The following HRC variants were observed in gnomAD, a reference collection of about 807,000 sequenced individuals.
HRC encodes histidine rich calcium binding protein.
In HRC, 41 loss-of-function variants were observed where a neutral mutation model predicts 61.4. The observed-to-expected ratio is 0.67, with a 90% confidence interval of 0.52 to 0.87. The LOEUF (loss-of-function observed/expected upper bound fraction) is 0.87, where lower values mean the gene tolerates loss of function less well. HRC is among the 40% of genes least tolerant of loss of function. HRC has a pLI of 0.00. For missense variants in HRC, 839 were observed against 885.8 expected, an observed-to-expected ratio of 0.95 and a Z score of 0.67; for synonymous variants, 308 against 326.6, an observed-to-expected ratio of 0.94 and a Z score of 0.62.
chr19:49,154,014 A>T lies in HRC; in HGVS notation c.1224T>A (p.Asp408Glu). 1.9e-6 allele frequency: 3 copies of T among 1,613,554 alleles called. No homozygotes were observed. In the East Asian group the frequency reaches 6.7e-5, roughly 36 times the overall value. Residue 408 changes from aspartate (D) to glutamate (E), a missense_variant, in exon 1 of 6, where the codon GAT becomes GAA. Physicochemically the swap from Asp to Glu is conservative, Grantham distance 45 (BLOSUM62 2). Coordinates refer to ENST00000252825, the MANE Select transcript of HRC (RefSeq NM_002152.3). Reference protein sequence around the residue: ...GHKSDEEDFQDEYKTEVPHHH... With the variant: ...GHKSDEEDFQEEYKTEVPHHH... Reference sequence around the variant, plus strand: ...GGTGAGGGACTTCTGTTTTATACTCATCTTGGAAGTCCTCTTCATCACTCT... The same window carrying T: ...GGTGAGGGACTTCTGTTTTATACTCTTCTTGGAAGTCCTCTTCATCACTCT...
rs1952978362 is a variant in HRC, at chr19:49,155,293, T to C, written c.-56A>G. ...GCCTCTGCGGCAATGTGGACAAACG[T>C]TGGGGTCTTTGTCCCTTTGGGGTTG... is the stretch of plus-strand genomic sequence containing the variant. On this transcript the variant is annotated 5_prime_UTR_variant, in exon 1 of 6. Transcript: ENST00000252825. This position sits in a 1 kb window ranked among gnomAD's most constrained non-coding sequence, Gnocchi z 4.7. 2 of 1,522,318 alleles carry C rather than the reference T, an allele frequency of 1.3e-6. No individual in the cohort carries two copies. Among genetic ancestry groups the C allele is most frequent in the Non-Finnish European group, 1.7e-6 (2 of 1,146,866 alleles). 94.3% of individuals were successfully genotyped at this position (1,522,318 alleles called of 1,614,324 possible). A position where few individuals can be genotyped will look rare whatever the true frequency, so the allele number is the denominator to read the frequency against.
rs755581563 is a variant in HRC, at chr19:49,154,463, C to T, written c.775G>A (p.Asp259Asn). 38 of 1,568,154 alleles carry T rather than the reference C, an allele frequency of 2.4e-5. No homozygotes were observed. The East Asian group carries it at 8.4e-4, about 35-fold the overall frequency. Residue 259 changes from aspartate to asparagine, a missense_variant, in exon 1 of 6, where the codon GAT becomes AAT. Physicochemically the swap from Asp to Asn is conservative, Grantham distance 23. Coordinates refer to ENST00000252825, the MANE Select transcript of HRC (RefSeq NM_002152.3). Reference protein sequence around the residue: ...DDDDDDDDDDDDDVSIEYRHQ... With the variant: ...DDDDDDDDDDNDDVSIEYRHQ... The stretch of plus-strand genomic sequence containing the variant: ...CTATATTCAATGGAGACATCATCAT[C>T]ATCATCATCATCATCATCATCATCA...
At chr19:49,151,577 G>A in intron 4 of HRC, 24 bp from the exon 5 acceptor site, 1 of 1,612,620 alleles carries the variant, frequency 6.2e-7, no homozygotes, top group Non-Finnish European at 8.5e-7. Flanking sequence ...GAGAAAAGAG[G>A]CTTGAGGGGT....
In HRC at chr19:49,154,068, A is replaced by T. The variant is rs763236615; in HGVS notation, c.1170T>A (p.Tyr390Ter). 7 of 1,614,000 alleles carry T rather than the reference A, an allele frequency of 4.3e-6. No homozygotes were observed. The East Asian group carries it at 1.6e-4, about 36-fold the overall frequency. ...GGCCTCGAGGTTGGTGGCTTGCAAC[A>T]TAGTGGCCGAACTGGACTGTGATCT... ...EEEITVQFGH[Y>*]VASHQPRGHK... The change falls in exon 1 of 6, where the codon TAT becomes TAA. Residue 390 changes from tyrosine to a stop codon, truncating the protein, a stop_gained. Coordinates refer to ENST00000252825, the MANE Select transcript of HRC (RefSeq NM_002152.3). LOFTEE classifies it high-confidence loss of function.
chr19:49,153,219 T>G lies in HRC; in HGVS notation c.1902+42A>C. ...CCACCCCAGGGCCCCTGGGACAGAT[T>G]CTGGGGACACCTTGGTGGGTGGATC... On this transcript the variant is annotated intron_variant, in intron 2 of 5. Transcript: ENST00000252825. This position sits in a 1 kb window ranked among gnomAD's most constrained non-coding sequence, Gnocchi z 4.8. The G allele has an allele frequency of 6.6e-7, 1 of 1,516,350 alleles. No individual in the cohort carries two copies. The allele number at this position is 1,516,350 out of a possible 1,614,324, so 93.9% of individuals were successfully genotyped here.
intron 2 of HRC, among the ~76,000 whole-genome samples, 198 bp from the exon 3 acceptor site, chr19:49,152,576 C>CT (rs989468868): frequency 4.0e-5 from 6 of 148,976 alleles, no homozygotes; most frequent in Admixed American, 2.0e-4. Context: ...CCTTTTTTTC[C>CT]TTTTTTTTCT....
chr19:49,151,499 C>G lies in HRC; in HGVS notation c.2063+18G>C, dbSNP rs2041358460. 1 of 1,613,040 alleles carries G rather than the reference C, an allele frequency of 6.2e-7. No individual in the cohort carries two copies. The highest frequency in any genetic ancestry group is 8.5e-7 in the Non-Finnish European group (1 of 1,179,092). ...TCTCTAAACGGGGCTTTTACACGCT[C>G]CCCTTTTACACACTTACTGATAAAG... On this transcript the variant is annotated intron_variant, in intron 5 of 5. Transcript: ENST00000252825.
chr19:49,151,205 G>T lies in HRC; in HGVS notation c.*91C>A. Reference sequence around the variant, plus strand: ...CCACGTCTGACAATGAGGTTTCGGGGAGCACGTTTATTCGGAGAAATAAAT... The same window carrying T: ...CCACGTCTGACAATGAGGTTTCGGGTAGCACGTTTATTCGGAGAAATAAAT... On this transcript the variant is annotated 3_prime_UTR_variant, in exon 6 of 6. Coordinates refer to ENST00000252825, the MANE Select transcript of HRC (RefSeq NM_002152.3). The T allele has an allele frequency of 2.6e-6, 3 of 1,158,062 alleles. No homozygotes were observed. The South Asian group carries it at 4.5e-5, about 17-fold the overall frequency. 71.7% of individuals were successfully genotyped at this position (1,158,062 alleles called of 1,614,324 possible). A position where few individuals can be genotyped will look rare whatever the true frequency, so the allele number is the denominator to read the frequency against.
rs575373214 is a variant in HRC, at chr19:49,154,143, A to T, written c.1095T>A (p.Gly365=). 6.2e-7 allele frequency: 1 copy of T among 1,613,394 alleles called. No homozygotes were observed. The highest frequency in any genetic ancestry group is 1.1e-5 in the South Asian group (1 of 90,980). Residue 365 remains glycine (G), a synonymous_variant, in exon 1 of 6, where the codon GGT becomes GGA. Coordinates refer to ENST00000252825, the MANE Select transcript of HRC (RefSeq NM_002152.3). ...EDVSTERWHQ[G]PQHVHHGLVD... is the part of the protein sequence containing the mutation. Reference sequence around the variant, plus strand: ...CAAGGCCATGGTGGACATGTTGGGGACCCTGGTGCCAACGTTCAGTGGACA... The same window carrying T: ...CAAGGCCATGGTGGACATGTTGGGGTCCCTGGTGCCAACGTTCAGTGGACA...
In HRC at chr19:49,154,602, C is replaced by T; in HGVS notation, c.636G>A (p.Gln212=). 1 of 1,603,946 alleles carries T rather than the reference C, an allele frequency of 6.2e-7. No homozygotes were observed. Among genetic ancestry groups the T allele is most frequent in the Non-Finnish European group, 8.5e-7 (1 of 1,172,358 alleles). The part of the protein sequence containing the change: ...EEEASTEYGH[Q]AHRHRGHGSE... ...TCCCATGGCCTCGGTGCCTGTGGGC[C>T]TGGTGTCCATACTCAGTGGAGGCCT... is the stretch of plus-strand genomic sequence containing the variant. The change falls in exon 1 of 6, where the codon CAG becomes CAA. Residue 212 remains glutamine, a synonymous_variant. Coordinates refer to ENST00000252825, the MANE Select transcript of HRC (RefSeq NM_002152.3).
Position 49,153,238 on chromosome 19 carries a change from G to A in HRC, c.1902+23C>T, listed in dbSNP as rs1037793763. The A allele has an allele frequency of 1.3e-6, 2 of 1,596,722 alleles. No homozygotes were observed. Among genetic ancestry groups the A allele is most frequent in the Non-Finnish European group, 8.6e-7 (1 of 1,164,608 alleles). ...ACAGATTCTGGGGACACCTTGGTGG[G>A]TGGATCTGGGCTGGGGACATACATT... is the stretch of plus-strand genomic sequence containing the variant. On this transcript the variant is annotated intron_variant, in intron 2 of 5. Transcript: ENST00000252825. The surrounding 1 kb of genome is among the most constrained non-coding windows in gnomAD (Gnocchi z 4.8).
Position 49,152,025 on chromosome 19 carries a change from A to T in HRC, c.2005T>A (p.Cys669Ser), listed in dbSNP as rs769723715. 1 of 1,614,096 alleles carries T rather than the reference A, an allele frequency of 6.2e-7. No homozygotes were observed. Among genetic ancestry groups the T allele is most frequent in the African/African-American group, 1.3e-5 (1 of 74,936 alleles). Residue 669 changes from cysteine (C) to serine (S), a missense_variant, in exon 4 of 6, where the codon TGC (cysteine) becomes AGC (serine). Transcript: ENST00000252825. ...TCACCTGGAGCGCAGACCGTTTCGC[A>T]GACCAGCGGGCAGAGATAGCAGAAC... ...CQFCYLCPLV[C>S]ETVCAPGSYV... is the part of the protein sequence containing the mutation.
In HRC at chr19:49,152,323, C is replaced by T. The variant is rs1568444683; in HGVS notation, c.1958G>A (p.Cys653Tyr). ...HCDEENMGEH[C>Y]DQCQHCQFCY... ...GTGAGGTCTCACCTGGCACTGGTCGCAGTGCTCACCCATGTTCTCCTCATC... is the reference window on the plus strand; with the variant it reads ...GTGAGGTCTCACCTGGCACTGGTCGTAGTGCTCACCCATGTTCTCCTCATC... The change falls in exon 3 of 6, where the codon TGC becomes TAC. Residue 653 changes from cysteine to tyrosine, a missense_variant. By Grantham distance (194) the Cys-to-Tyr change is radical (BLOSUM62 -2). Coordinates refer to ENST00000252825, the MANE Select transcript of HRC (RefSeq NM_002152.3). The T allele has an allele frequency of 6.2e-7, 1 of 1,613,524 alleles. No individual in the cohort carries two copies. The highest frequency in any genetic ancestry group is 1.7e-5 in the Admixed American group (1 of 59,964).
rs781406128 is a variant in HRC at position 49,154,978 on chromosome 19, T to G, written c.260A>C (p.Asp87Ala). Residue 87 changes from aspartate (D) to alanine (A), a missense_variant, in exon 1 of 6, where the codon GAC becomes GCC. Transcript: ENST00000252825. The part of the protein sequence containing the change: ...ENGHHFWSHP[D>A]REKEDEDVSK... The stretch of plus-strand genomic sequence containing the variant: ...GACATCTTCATCCTCCTTTTCACGG[T>G]CTGGGTGGCTCCAGAAATGATGCCC... The G allele has an allele frequency of 2.5e-6, 4 of 1,614,222 alleles. No individual in the cohort carries two copies. The highest frequency in any genetic ancestry group is 2.5e-6 in the Non-Finnish European group (3 of 1,180,036).
chr19:49,152,431 T>C (rs1251529557), intron 2 of HRC, 53 bp from the exon 3 acceptor site: 1 of 1,509,588 alleles, frequency 6.6e-7, no homozygotes, highest in Non-Finnish European at 9.1e-7. Context: ...ACTTGGGAGG[T>C]ACCCGCCCCT....
chr19:49,154,064 C>A lies in HRC; in HGVS notation c.1174G>T (p.Ala392Ser), dbSNP rs2041388797. The A allele has an allele frequency of 1.2e-6, 2 of 1,614,184 alleles. No individual in the cohort carries two copies. Among genetic ancestry groups the A allele is most frequent in the Non-Finnish European group, 1.7e-6 (2 of 1,180,038 alleles). The change falls in exon 1 of 6, where the codon GCA becomes TCA. Residue 392 changes from alanine (A) to serine (S), a missense_variant. Transcript: ENST00000252825. ...EITVQFGHYV[A>S]SHQPRGHKSD... ...TTGTGGCCTCGAGGTTGGTGGCTTG[C>A]AACATAGTGGCCGAACTGGACTGTG... is the stretch of plus-strand genomic sequence containing the variant.
chr19:49,151,559 G>C lies in HRC; in HGVS notation c.2027-6C>G. ...GAAATAGTCAACGTAGCTTCCTGTG[G>C]GACAGCAGAGAAAAGAGGCTTGAGG... is the stretch of plus-strand genomic sequence containing the variant. On this transcript the variant is annotated splice_region_variant and splice_polypyrimidine_tract_variant and intron_variant, in intron 4 of 5. Coordinates refer to ENST00000252825, the MANE Select transcript of HRC (RefSeq NM_002152.3). 1 of 1,613,390 alleles carries C rather than the reference G, an allele frequency of 6.2e-7. No homozygotes were observed.
rs151137203 is a variant in HRC, at chr19:49,153,698, G to A, written c.1540C>T (p.Arg514Trp). 132 of 1,613,358 alleles carry A rather than the reference G, an allele frequency of 8.2e-5. 2 individuals carry two copies. Among genetic ancestry groups the A allele is most frequent in the South Asian group, 8.1e-4 (74 of 91,066 alleles). The change falls in exon 1 of 6, where the codon CGG (arginine) becomes TGG (tryptophan). Residue 514 changes from arginine to tryptophan, a missense_variant. Arg to Trp is a moderately radical substitution (Grantham distance 101). Coordinates refer to ENST00000252825, the MANE Select transcript of HRC (RefSeq NM_002152.3). The surrounding 1 kb of genome is among the most constrained non-coding windows in gnomAD (Gnocchi z 4.8). ...QGEKGTHHGS[R>W]DQEDEEDEEE... ...TCATCCTCCTCATCTTCCTGGTCCC[G>A]GCTGCCATGATGGGTGCCTTTCTCT...
Position 49,154,843 on chromosome 19 carries a change from C to A in HRC, c.395G>T (p.Arg132Leu), listed in dbSNP as rs763236818. Reference protein sequence around the residue: ...EVFAEHGGQARGHRGHGSEDT... With the variant: ...EVFAEHGGQALGHRGHGSEDT... ...TTCACTCCCGTGGCCTCTGTGCCCA[C>A]GGGCCTGCCCACCATGCTCTGCAAA... The change falls in exon 1 of 6, where the codon CGT (arginine) becomes CTT (leucine). Residue 132 changes from arginine (R) to leucine (L), a missense_variant. By Grantham distance (102) the Arg-to-Leu change is moderately radical. Coordinates refer to ENST00000252825, the MANE Select transcript of HRC (RefSeq NM_002152.3). 3.7e-6 allele frequency: 6 copies of A among 1,613,970 alleles called. No individual in the cohort carries two copies. Among genetic ancestry groups the A allele is most frequent in the Admixed American group, 1.7e-5 (1 of 59,996 alleles).
Sources: allele counts gnomAD v4.1 joint callset (sites outside exome capture counted in the v4.1 genomes callset), GRCh38; gene constraint gnomAD v4.1.1; non-coding constraint Gnocchi (gnomAD v3.1); transcripts MANE v1.5; gene names NCBI Gene and HGNC (gene_info 2026-07-23, HGNC 2026-07-21).